Variants in RAP1A observed in about 807,000 individuals in gnomAD.
RAP1A encodes RAP1A, member of RAS oncogene family.
A neutral mutation model predicts 26.4 loss-of-function variants in RAP1A; 6 were observed. That is an observed-to-expected ratio of 0.23 (90% CI 0.12 to 0.45). RAP1A has a LOEUF of 0.45. Among genes scored for constraint, RAP1A ranks in the 20% least tolerant of loss-of-function variants. The pLI, the probability that RAP1A is intolerant of heterozygous loss-of-function variation, is 0.99. For missense variants in RAP1A, 121 were observed against 217.2 expected, an observed-to-expected ratio of 0.56 and a Z score of 2.78; for synonymous variants, 73 against 79.4, an observed-to-expected ratio of 0.92 and a Z score of 0.43.
At chr1:111,549,269 A>C (rs1657156944) in intron 1 of RAP1A, among the ~76,000 whole-genome samples, 1 of 150,284 alleles carries the variant, frequency 6.7e-6, no homozygotes, top group African/African-American at 2.4e-5. Flanking sequence ...ATTATTTGAA[A>C]ATTTGGCAGA....
intron 1 of RAP1A, among the ~76,000 whole-genome samples, chr1:111,583,713 A>G (rs1287516712): frequency 6.6e-6 from 1 of 152,142 alleles, no homozygotes; most frequent in Non-Finnish European, 1.5e-5. Context: ...GCAATTTACA[A>G]TCACAAGAGA....
At chr1:111,619,711 C>T (rs987842711), upstream of RAP1A, 4 of 392,898 alleles carry the variant, frequency 1.0e-5, no homozygotes, top group African/African-American at 2.1e-5. Flanking sequence ...GCCCAGCCAT[C>T]GCCAACTTGG....
chr1:111,608,577 C>A (rs924864167), intron 1 of RAP1A: 1 of 171,290 alleles, frequency 5.8e-6, no homozygotes, highest in African/African-American at 2.4e-5. Flanking sequence ...TGTAGCCAGC[C>A]GAGATCACGC....
chr1:111,694,591 A>G (rs1387850987), intron 2 of RAP1A, among the ~76,000 whole-genome samples: 1 of 152,218 alleles, frequency 6.6e-6, no homozygotes, highest in East Asian at 1.9e-4. Flanking sequence ...AATATCTGAA[A>G]AAGATGAATG....
intron 1 of RAP1A, among the ~76,000 whole-genome samples, chr1:111,663,244 T>G (rs1660693938): frequency 6.6e-6 from 1 of 152,198 alleles, no homozygotes. Context: ...AGGTTGTTAA[T>G]TTGGGTTCCC....
chr1:111,704,492 C>T lies in RAP1A; in HGVS notation c.468+6C>T, dbSNP rs1213929401. Reference sequence around the variant, plus strand: ...CAAAGATCAATGTTAATGAGGTAACCTACAACTGCTGGGCAGCACAAACAA... The same window carrying T: ...CAAAGATCAATGTTAATGAGGTAACTTACAACTGCTGGGCAGCACAAACAA... On this transcript the variant is annotated splice_donor_region_variant and intron_variant, in intron 6 of 7. Coordinates refer to ENST00000369709, the MANE Select transcript of RAP1A (RefSeq NM_002884.4). 17 of 1,608,966 alleles carry T rather than the reference C, an allele frequency of 1.1e-5. No homozygotes were observed. Among genetic ancestry groups the T allele is most frequent in the East Asian group, 2.2e-5 (1 of 44,692 alleles).
intron 4 of RAP1A, among the ~76,000 whole-genome samples, chr1:111,700,570 G>T (rs925815313): frequency 2.6e-5 from 4 of 152,126 alleles, no homozygotes. Flanking sequence ...TCAGCATAAG[G>T]TTTGGAGGTG....
intron 1 of RAP1A, among the ~76,000 whole-genome samples, chr1:111,561,189 T>C (rs140480480): frequency 1.8e-4 from 27 of 152,360 alleles, no homozygotes; most frequent in African/African-American, 6.3e-4. Context: ...AGTGGCACGA[T>C]TGTGGCTCAC....
At chr1:111,693,596 A>T (rs1432518236) in intron 2 of RAP1A, among the ~76,000 whole-genome samples, 1 of 152,206 alleles carries the variant, frequency 6.6e-6, no homozygotes, top group Non-Finnish European at 1.5e-5. Context: ...TACTTTTAGT[A>T]AGAAAGAAAT....
rs1662528162 is a variant in RAP1A, at chr1:111,715,932, G to A, written c.*3531G>A. 6.6e-6 allele frequency: 1 copy of A among 152,182 alleles called. No individual in the cohort carries two copies. The highest frequency in any genetic ancestry group is 1.5e-5 in the Non-Finnish European group (1 of 68,038). The allele number at this position is 152,182 out of a possible 1,614,324, so 9.4% of individuals were successfully genotyped here. ...CTCAGTTTTGTCTTAGGCACTGAGG[G>A]ACAGAAAGAGAAATAAGGAATACCT... is the stretch of plus-strand genomic sequence containing the variant. On this transcript the variant is annotated 3_prime_UTR_variant, in exon 8 of 8. Coordinates refer to ENST00000369709, the MANE Select transcript of RAP1A (RefSeq NM_002884.4).
chr1:111,648,332 C>CCATCCACTATCTGGTGGA, intron 1 of RAP1A: 1 of 805,334 alleles, frequency 1.2e-6, no homozygotes, highest in Non-Finnish European at 2.0e-6. Flanking sequence ...TACCACTTTG[C>CCATCCACTATCTGGTGGA]CATCCACTAT....
intron 1 of RAP1A, among the ~76,000 whole-genome samples, chr1:111,552,205 CCAGA>C (rs2101037038): frequency 6.6e-6 from 1 of 152,270 alleles, no homozygotes; most frequent in East Asian, 1.9e-4. Flanking sequence ...TAGGGAGTCA[CCAGA>C]CAATCAACCA....
intron 1 of RAP1A, among the ~76,000 whole-genome samples, chr1:111,593,144 A>C (rs1390842751): frequency 6.6e-6 from 1 of 152,100 alleles, no homozygotes; most frequent in African/African-American, 2.4e-5. Context: ...GTGGCTTGTC[A>C]CACCCTGGCT....
chr1:111,669,371 T>A (rs970181749), intron 1 of RAP1A, among the ~76,000 whole-genome samples: 3 of 152,180 alleles, frequency 2.0e-5, no homozygotes, highest in African/African-American at 7.2e-5. Flanking sequence ...GGGGTGCAAA[T>A]TGAAATGTGT....
At chr1:111,706,639 A>T (rs768522994) in intron 6 of RAP1A, 49 of 883,046 alleles carry the variant, frequency 5.5e-5, no homozygotes, top group Non-Finnish European at 6.5e-5. Flanking sequence ...GGGATTGAGA[A>T]ACTCTATTCT....
At position 111,697,302 on chromosome 1, in the gene RAP1A, T is replaced by A; in HGVS notation, c.127-139T>A. ...GCTGTTCTTTATTGTGGTACCAAGT[T>A]TACCCCCAGCCATTACAGCATACTG... On this transcript the variant is annotated intron_variant, in intron 3 of 7. Transcript: ENST00000369709. 3 of 1,500,264 alleles carry A rather than the reference T, an allele frequency of 2.0e-6. No homozygotes were observed. In the Admixed American group the frequency reaches 6.7e-5, roughly 34 times the overall value. The allele number at this position is 1,500,264 out of a possible 1,614,324, so 92.9% of individuals were successfully genotyped here.
intron 5 of RAP1A, among the ~76,000 whole-genome samples, chr1:111,703,919 C>T (rs72690789): frequency 0.13 from 19,229 of 152,182 alleles, 1,536 homozygotes; most frequent in South Asian, 0.17. Context: ...CCACCTCAAC[C>T]CCCTGAGTAG....
intron 1 of RAP1A, among the ~76,000 whole-genome samples, chr1:111,557,357 G>A (rs1657536701): frequency 6.6e-6 from 1 of 152,070 alleles, no homozygotes; most frequent in Non-Finnish European, 1.5e-5. Context: ...GACCATCCTG[G>A]CTAACACGGT....
chr1:111,660,494 C>G (rs564319850), intron 1 of RAP1A, among the ~76,000 whole-genome samples: 1 of 152,078 alleles, frequency 6.6e-6, no homozygotes, highest in African/African-American at 2.4e-5. Context: ...CTTGTCTCTT[C>G]GTTTGGCCCT....
Sources: gnomAD v4.1 joint callset for allele counts (sites outside exome capture counted in the v4.1 genomes callset) on GRCh38, gnomAD v4.1.1 for gene constraint, MANE v1.5 for transcripts, NCBI Gene and HGNC (gene_info 2026-07-23, HGNC 2026-07-21) for gene names.